Variants in R3HDM2 observed in about 807,000 individuals in gnomAD.
The protein encoded by R3HDM2 is R3H domain-containing protein 2.
In R3HDM2, 38 loss-of-function variants were observed where a neutral mutation model predicts 124.5. That is an observed-to-expected ratio of 0.31 (90% CI 0.24 to 0.40). The LOEUF is 0.40. Ranked by LOEUF, R3HDM2 falls within the 10% of genes least tolerant of loss-of-function variation. The pLI, the probability that R3HDM2 is intolerant of heterozygous loss-of-function variation, is 1.00. For synonymous variants in R3HDM2, 391 were observed against 448.0 expected (o/e 0.87, Z 1.61); for missense variants, 869 against 1,236.9 (o/e 0.70, Z 4.46).
At chr12:57,402,328 A>C (rs893602793) in intron 1 of R3HDM2, among the ~76,000 whole-genome samples, 8 of 151,552 alleles carry the variant, frequency 5.3e-5, no homozygotes, top group Admixed American at 2.0e-4. Flanking sequence ...ATCCCACAAT[A>C]CTCTGCATGC....
intron 2 of R3HDM2, among the ~76,000 whole-genome samples, chr12:57,364,265 G>A (rs746320267): frequency 2.1e-4 from 32 of 149,436 alleles, no homozygotes; most frequent in African/African-American, 3.0e-4. Context: ...ATCCTGTGTC[G>A]GCCTCCAGAG....
intron 21 of R3HDM2, among the ~76,000 whole-genome samples, chr12:57,257,244 A>G (rs1381645527): frequency 1.3e-5 from 2 of 152,198 alleles, no homozygotes; most frequent in Non-Finnish European, 2.9e-5. Flanking sequence ...GCCTGGGTTA[A>G]AATAGTGGCT....
chr12:57,364,639 T>C (rs575325166), intron 2 of R3HDM2, among the ~76,000 whole-genome samples: 3 of 151,968 alleles, frequency 2.0e-5, no homozygotes, highest in East Asian at 3.9e-4. Context: ...TATCCCTCTG[T>C]GTGTCTAAAT....
intron 1 of R3HDM2, among the ~76,000 whole-genome samples, chr12:57,399,480 A>T (rs1243872868): frequency 6.6e-6 from 1 of 152,202 alleles, no homozygotes; most frequent in East Asian, 1.9e-4. Flanking sequence ...CTAGCCTTCT[A>T]ATCAGCTGTA....
chr12:57,316,582 CTTTTT>C (rs761496804), intron 2 of R3HDM2, among the ~76,000 whole-genome samples: 1 of 100,116 alleles, frequency 1.0e-5, no homozygotes. Context: ...TGCATCCATC[CTTTTT>C]TTTTTTTTTT....
chr12:57,392,810 T>C (rs1352211226), intron 2 of R3HDM2, among the ~76,000 whole-genome samples: 1 of 150,324 alleles, frequency 6.7e-6, no homozygotes, highest in East Asian at 1.9e-4. Context: ...TACACTTTTT[T>C]TTTTTTTTTT....
intron 2 of R3HDM2, among the ~76,000 whole-genome samples, chr12:57,351,977 A>G (rs1361682774): frequency 6.6e-6 from 1 of 152,212 alleles, no homozygotes; most frequent in Non-Finnish European, 1.5e-5. Context: ...AATTTAACCA[A>G]TGTGGCTGTC....
At chr12:57,322,514 C>T (rs907590637) in intron 2 of R3HDM2, among the ~76,000 whole-genome samples, 1 of 152,186 alleles carries the variant, frequency 6.6e-6, no homozygotes, top group Non-Finnish European at 1.5e-5. Flanking sequence ...TGTACTTCAA[C>T]TCATATCCAC....
Position 57,375,675 on chromosome 12 carries a change from CTT to C in R3HDM2, c.-36+20072_-36+20073del, listed in dbSNP as rs35984368. On this transcript the variant is annotated intron_variant, in intron 2 of 23. Coordinates refer to ENST00000402412, the MANE Select transcript of R3HDM2 (RefSeq NM_001394031.1). The stretch of plus-strand genomic sequence containing the variant: ...GTACTTATCCAGGTCAGATCAGCTG[CTT>C]TTTTTTTTTTTTTTGAGACGGAGTC... 4.8e-4 allele frequency among the ~76,000 whole-genome samples: 64 copies of C among 133,320 alleles called. 1 individual carries two copies. The highest frequency in any genetic ancestry group is 6.5e-4 in the East Asian group (3 of 4,610). The allele number at this position is 133,320 out of a possible 152,430, so 87.5% of individuals were successfully genotyped here. A position where few individuals can be genotyped will look rare whatever the true frequency, so the allele number is the denominator to read the frequency against.
chr12:57,264,480 G>C (rs1278553120), intron 19 of R3HDM2, among the ~76,000 whole-genome samples: 1 of 151,028 alleles, frequency 6.6e-6, no homozygotes, highest in African/African-American at 2.4e-5. Context: ...GCTGAGGGAG[G>C]AGAACTGCTT....
chr12:57,360,386 G>A (rs1005945193), intron 2 of R3HDM2, among the ~76,000 whole-genome samples: 1 of 151,996 alleles, frequency 6.6e-6, no homozygotes, highest in Non-Finnish European at 1.5e-5. Flanking sequence ...AAAACTTGCA[G>A]ACAAACTGCG....
At chr12:57,282,477 T>C (rs1347550969) in intron 13 of R3HDM2, among the ~76,000 whole-genome samples, 1 of 151,938 alleles carries the variant, frequency 6.6e-6, no homozygotes, top group African/African-American at 2.4e-5. Context: ...TTAGATCTGT[T>C]TTAGATTGGC....
intron 2 of R3HDM2, among the ~76,000 whole-genome samples, chr12:57,369,478 T>G (rs1351862764): frequency 6.6e-6 from 1 of 152,240 alleles, no homozygotes; most frequent in Non-Finnish European, 1.5e-5. Context: ...AAGCACTAAC[T>G]TTGTTATGCA....
chr12:57,294,064 T>C (rs1383656431), intron 10 of R3HDM2, among the ~76,000 whole-genome samples: 5 of 152,332 alleles, frequency 3.3e-5, no homozygotes, highest in African/African-American at 9.6e-5. Flanking sequence ...AGTTTTCTTA[T>C]ATGTAAAGTG....
intron 2 of R3HDM2, among the ~76,000 whole-genome samples, chr12:57,372,988 C>A (rs773248801): frequency 6.6e-6 from 1 of 152,198 alleles, no homozygotes; most frequent in African/African-American, 2.4e-5. Context: ...GTGGGAGGAT[C>A]GCTTGAGGCC....
intron 1 of R3HDM2, among the ~76,000 whole-genome samples, chr12:57,423,134 ATC>A (rs1182508982): frequency 6.6e-6 from 1 of 151,366 alleles, no homozygotes; most frequent in Non-Finnish European, 1.5e-5. Context: ...ATGAAAAGAG[ATC>A]TGTGGCCGGG....
intron 3 of R3HDM2, among the ~76,000 whole-genome samples, chr12:57,306,959 G>A (rs2052745426): frequency 2.0e-5 from 3 of 152,110 alleles, no homozygotes; most frequent in Non-Finnish European, 4.4e-5. Flanking sequence ...AGGTTGCAGT[G>A]AGCCAAGATT....
intron 3 of R3HDM2, among the ~76,000 whole-genome samples, chr12:57,308,175 C>T (rs1469756852): frequency 2.0e-5 from 3 of 151,450 alleles, no homozygotes; most frequent in Non-Finnish European, 4.4e-5. Flanking sequence ...CTGCCTCAGC[C>T]TCCCAAGTAG....
intron 14 of R3HDM2, among the ~76,000 whole-genome samples, chr12:57,271,389 G>T (rs1297796450): frequency 6.6e-6 from 1 of 152,022 alleles, no homozygotes; most frequent in Non-Finnish European, 1.5e-5. Flanking sequence ...TATGGTGATA[G>T]GTTAGAGTTT....
Sources: allele counts gnomAD v4.1 joint callset (sites outside exome capture counted in the v4.1 genomes callset), GRCh38; gene constraint gnomAD v4.1.1; transcripts MANE v1.5; gene names NCBI Gene and HGNC (gene_info 2026-07-23, HGNC 2026-07-21).